LRRC4C: variants seen among roughly 807,000 people sequenced by gnomAD.
LRRC4C encodes the protein leucine rich repeat containing 4C.
A neutral mutation model predicts 33.6 loss-of-function variants in LRRC4C; 5 were observed. That is an observed-to-expected ratio of 0.15 (90% CI 0.08 to 0.31). The LOEUF (loss-of-function observed/expected upper bound fraction) is 0.31, where lower values mean the gene tolerates loss of function less well. Ranked by LOEUF, LRRC4C falls within the 10% of genes least tolerant of loss-of-function variation. The pLI is 1.00. For missense variants in LRRC4C, 560 were observed against 796.7 expected (o/e 0.70, Z 3.58); for synonymous variants, 329 against 302.0 (o/e 1.09, Z -0.93).
intron 1 of LRRC4C, among the ~76,000 whole-genome samples, chr11:41,169,110 T>C (rs922670950): frequency 6.6e-6 from 1 of 152,332 alleles, no homozygotes; most frequent in East Asian, 1.9e-4. Context: ...TCTTTGAAGT[T>C]CTTAAACCTT....
intron 1 of LRRC4C, among the ~76,000 whole-genome samples, chr11:40,960,580 G>A (rs968359035): frequency 6.6e-6 from 1 of 151,678 alleles, no homozygotes; most frequent in African/African-American, 2.4e-5. Context: ...GTTCTTACTG[G>A]AAATTAAGTT....
intron 1 of LRRC4C, among the ~76,000 whole-genome samples, chr11:41,156,227 C>G (rs970198460): frequency 2.6e-4 from 39 of 152,210 alleles, no homozygotes; most frequent in African/African-American, 8.4e-4. Context: ...TATTATTACA[C>G]TGAAAGACAA....
intron 1 of LRRC4C, among the ~76,000 whole-genome samples, chr11:41,016,845 C>T (rs1268635124): frequency 2.0e-5 from 3 of 152,132 alleles, no homozygotes; most frequent in Admixed American, 6.5e-5. Context: ...GAGACACCTG[C>T]CCCTAACAGT....
chr11:40,764,753 A>AG (rs1397563174), intron 2 of LRRC4C, among the ~76,000 whole-genome samples: 16 of 151,988 alleles, frequency 1.1e-4, no homozygotes, highest in African/African-American at 3.1e-4. Context: ...TTCCATTTTT[A>AG]GGGGGGGAAC....
chr11:40,234,898 CTT>C (rs1247905469), intron 5 of LRRC4C, among the ~76,000 whole-genome samples: 1 of 152,180 alleles, frequency 6.6e-6, no homozygotes, highest in Non-Finnish European at 1.5e-5. Context: ...TTTTTTTAGA[CTT>C]TGCCCAATGC....
chr11:41,304,671 T>G (rs865797680), intron 1 of LRRC4C, among the ~76,000 whole-genome samples: 5,638 of 24,824 alleles, frequency 0.23, 9 homozygotes, highest in Admixed American at 0.3. Context: ...GGAGGGAGGT[T>G]GGGGGGTCAG....
chr11:41,277,620 T>A (rs190837351), intron 1 of LRRC4C, among the ~76,000 whole-genome samples: 1 of 152,104 alleles, frequency 6.6e-6, no homozygotes, highest in Admixed American at 6.6e-5. Context: ...CAAGCCCAAA[T>A]GCTGACAACT....
At chr11:40,204,538 G>A (rs1294546070) in intron 5 of LRRC4C, among the ~76,000 whole-genome samples, 1 of 152,062 alleles carries the variant, frequency 6.6e-6, no homozygotes, top group Non-Finnish European at 1.5e-5. Context: ...TAATCAACAA[G>A]GAGACAGCAT....
chr11:41,409,649 G>A (rs549737819), intron 1 of LRRC4C, among the ~76,000 whole-genome samples: 1 of 152,232 alleles, frequency 6.6e-6, no homozygotes, highest in South Asian at 2.1e-4. Flanking sequence ...ATGGGAGTAA[G>A]AATAGGATGC....
At chr11:40,722,624 T>TA (rs934285680) in intron 2 of LRRC4C, among the ~76,000 whole-genome samples, 6 of 152,106 alleles carry the variant, frequency 3.9e-5, no homozygotes, top group African/African-American at 1.4e-4. Context: ...ACAACAAATT[T>TA]AAAAAGAAAA....
intron 2 of LRRC4C, among the ~76,000 whole-genome samples, chr11:40,721,813 C>A (rs1947031747): frequency 6.6e-6 from 1 of 152,054 alleles, no homozygotes; most frequent in South Asian, 2.1e-4. Context: ...CGGTGGTGGG[C>A]GCCTGTAATG....
intron 5 of LRRC4C, among the ~76,000 whole-genome samples, chr11:40,183,459 A>G (rs1861170942): frequency 1.3e-5 from 2 of 152,200 alleles, no homozygotes; most frequent in African/African-American, 4.8e-5. Flanking sequence ...TCTTCCTGTA[A>G]CAGTCACCTC....
chr11:40,712,322 A>AT (rs1330147833), intron 2 of LRRC4C, among the ~76,000 whole-genome samples: 6 of 152,052 alleles, frequency 3.9e-5, no homozygotes, highest in Non-Finnish European at 7.4e-5. Flanking sequence ...AAACGCTTTG[A>AT]TTTTCACTTA....
intron 3 of LRRC4C, among the ~76,000 whole-genome samples, chr11:40,401,455 C>A (rs1237586106): frequency 6.6e-6 from 1 of 152,110 alleles, no homozygotes; most frequent in Admixed American, 6.6e-5. Flanking sequence ...CTTTCATTTA[C>A]CCTTTGAGTA....
intron 2 of LRRC4C, among the ~76,000 whole-genome samples, chr11:40,840,807 A>G (rs1266490954): frequency 6.6e-6 from 1 of 152,210 alleles, no homozygotes; most frequent in African/African-American, 2.4e-5. Flanking sequence ...GAAAAAAGAT[A>G]AATTATGTTT....
chr11:40,485,141 A>G (rs990829284), intron 3 of LRRC4C, among the ~76,000 whole-genome samples: 1 of 152,052 alleles, frequency 6.6e-6, no homozygotes, highest in Non-Finnish European at 1.5e-5. Context: ...AAGATGCAGA[A>G]GGCAGCTTAA....
intron 1 of LRRC4C, among the ~76,000 whole-genome samples, chr11:40,940,631 C>T (rs746367629): frequency 7.2e-5 from 11 of 152,106 alleles, no homozygotes; most frequent in Non-Finnish European, 1.3e-4. Context: ...TTATATTATT[C>T]CTTCTTCCTT....
At chr11:40,382,861 T>G (rs1007281613) in intron 3 of LRRC4C, among the ~76,000 whole-genome samples, 2 of 151,636 alleles carry the variant, frequency 1.3e-5, no homozygotes, top group Non-Finnish European at 2.9e-5. Context: ...GCCCAGCTAA[T>G]TTTTTGTATT....
chr11:40,618,537 CA>C (rs1962103408), intron 3 of LRRC4C, among the ~76,000 whole-genome samples: 1 of 151,798 alleles, frequency 6.6e-6, no homozygotes, highest in Non-Finnish European at 1.5e-5. Flanking sequence ...ATATACTATG[CA>C]ATCGTGCAAT....
Sources: allele counts gnomAD v4.1 joint callset (sites outside exome capture counted in the v4.1 genomes callset), GRCh38; gene constraint gnomAD v4.1.1; transcripts MANE v1.5; gene names NCBI Gene and HGNC (gene_info 2026-07-23, HGNC 2026-07-21).